KCNQ1: variants seen among roughly 807,000 people sequenced by gnomAD.
KCNQ1 encodes the protein potassium voltage-gated channel subfamily KQT member 1.
In KCNQ1, 49 loss-of-function variants were observed where a neutral mutation model predicts 72.4. That is an observed-to-expected ratio of 0.68 (90% CI 0.54 to 0.86). KCNQ1 has a LOEUF of 0.86. KCNQ1 is among the 40% of genes least tolerant of loss of function. KCNQ1 has a pLI of 0.00. For synonymous variants in KCNQ1, 450 were observed against 412.6 expected (o/e 1.09, Z -1.10); for missense variants, 790 against 945.1 (o/e 0.84, Z 2.15).
rs543612828 is a variant in KCNQ1 at position 2,652,056 on chromosome 11, G to A, written c.1394-9905G>A. On this transcript the variant is annotated intron_variant, in intron 10 of 15. Coordinates refer to ENST00000155840, the MANE Select transcript of KCNQ1 (RefSeq NM_000218.3). The surrounding 1 kb of genome is among the most constrained non-coding windows in gnomAD (Gnocchi z 5.9). ...TCTGGGGTGGCTCTGACTGTGTCCAGGCTCCAATTTGAGAAGCTATGGGGA... is the reference window on the plus strand; with the variant it reads ...TCTGGGGTGGCTCTGACTGTGTCCAAGCTCCAATTTGAGAAGCTATGGGGA... 8.3e-5 allele frequency: 33 copies of A among 398,686 alleles called. 1 individual carries two copies. The highest frequency in any genetic ancestry group is 4.1e-4 in the African/African-American group (20 of 48,748). 24.7% of individuals were successfully genotyped at this position (398,686 alleles called of 1,614,324 possible). A position where few individuals can be genotyped will look rare whatever the true frequency, so the allele number is the denominator to read the frequency against.
rs1173955972 is a variant in KCNQ1 at position 2,664,079 on chromosome 11, G to A, written c.1514+1998G>A. 2.5e-6 allele frequency: 1 copy of A among 398,742 alleles called. No homozygotes were observed. The allele number at this position is 398,742 out of a possible 1,614,324, so 24.7% of individuals were successfully genotyped here. On this transcript the variant is annotated intron_variant, in intron 11 of 15. Coordinates refer to ENST00000155840, the MANE Select transcript of KCNQ1 (RefSeq NM_000218.3). The surrounding 1 kb of genome is among the most constrained non-coding windows in gnomAD (Gnocchi z 5.1). ...TGGCCTCCAGTGATAAGTGGGCCCAGGCAGGTCAGAGACTCCAGTCATTAC... is the reference window on the plus strand; with the variant it reads ...TGGCCTCCAGTGATAAGTGGGCCCAAGCAGGTCAGAGACTCCAGTCATTAC...
intron 1 of KCNQ1, among the ~76,000 whole-genome samples, chr11:2,489,667 G>A (rs2133624515): frequency 6.6e-6 from 1 of 152,340 alleles, no homozygotes; most frequent in South Asian, 2.1e-4. Context: ...ACATTGTCTT[G>A]CATCTTGGAT....
In KCNQ1 at chr11:2,612,252, C is replaced by T; in HGVS notation, c.1393+23398C>T. 1 of 398,596 alleles carries T rather than the reference C, an allele frequency of 2.5e-6. No homozygotes were observed. The highest frequency in any genetic ancestry group is 4.4e-6 in the Non-Finnish European group (1 of 226,080). The allele number at this position is 398,596 out of a possible 1,614,324, so 24.7% of individuals were successfully genotyped here. A position where few individuals can be genotyped will look rare whatever the true frequency, so the allele number is the denominator to read the frequency against. Reference sequence around the variant, plus strand: ...GATGGCATTAGATTCTCACAGAGAGCAAATCCTATTGTGAACTGAGCATGT... The same window carrying T: ...GATGGCATTAGATTCTCACAGAGAGTAAATCCTATTGTGAACTGAGCATGT... On this transcript the variant is annotated intron_variant, in intron 10 of 15. Coordinates refer to ENST00000155840, the MANE Select transcript of KCNQ1 (RefSeq NM_000218.3). This position sits in a 1 kb window ranked among gnomAD's most constrained non-coding sequence, Gnocchi z 5.5.
At chr11:2,842,731 C>T (rs558765841) in intron 15 of KCNQ1, among the ~76,000 whole-genome samples, 37 of 152,340 alleles carry the variant, frequency 2.4e-4, no homozygotes, top group African/African-American at 8.4e-4. Flanking sequence ...CCTCAGGCCA[C>T]AGGCATACAT....
At chr11:2,742,019 C>T (rs1383339995) in intron 11 of KCNQ1, among the ~76,000 whole-genome samples, 2 of 152,250 alleles carry the variant, frequency 1.3e-5, no homozygotes, top group East Asian at 3.8e-4. Context: ...GTATATGAGT[C>T]AGCGTTGACT....
chr11:2,501,336 A>G (rs974856866), intron 1 of KCNQ1, among the ~76,000 whole-genome samples: 1 of 152,194 alleles, frequency 6.6e-6, no homozygotes, highest in African/African-American at 2.4e-5. Context: ...CAGAGACAAA[A>G]AAAGGAGACA....
chr11:2,648,029 C>T (rs1849692895), intron 10 of KCNQ1: 3 of 391,812 alleles, frequency 7.7e-6, no homozygotes, highest in Non-Finnish European at 1.3e-5. Context: ...GCCTGAGCAA[C>T]ATGGCAAACC....
At position 2,603,847 on chromosome 11, in the gene KCNQ1, A is replaced by G. The variant is rs1848841149; in HGVS notation, c.1393+14993A>G. ...GTGGGATTACGGGCACGCACCACCAAGCCCGGCTAATTTTTGTATTTTTAG... is the reference window on the plus strand; with the variant it reads ...GTGGGATTACGGGCACGCACCACCAGGCCCGGCTAATTTTTGTATTTTTAG... On this transcript the variant is annotated intron_variant, in intron 10 of 15. Transcript: ENST00000155840. The surrounding 1 kb of genome is among the most constrained non-coding windows in gnomAD (Gnocchi z 4.1). Among the ~76,000 whole-genome samples, 1 of 151,922 alleles carries G rather than the reference A, an allele frequency of 6.6e-6. No individual in the cohort carries two copies. Among genetic ancestry groups the G allele is most frequent in the African/African-American group, 2.4e-5 (1 of 41,400 alleles).
At chr11:2,801,944 G>A (rs1847275013) in intron 15 of KCNQ1, among the ~76,000 whole-genome samples, 1 of 152,244 alleles carries the variant, frequency 6.6e-6, no homozygotes, top group African/African-American at 2.4e-5. Flanking sequence ...GGAGCCCCGG[G>A]CAGGCCCAAG....
rs144460655 is a variant in KCNQ1, at chr11:2,469,367, G to A, written c.386+23883G>A. On this transcript the variant is annotated intron_variant, in intron 1 of 15. Coordinates refer to ENST00000155840, the MANE Select transcript of KCNQ1 (RefSeq NM_000218.3). The stretch of plus-strand genomic sequence containing the variant: ...TGGCTCACTGCAACCTCTGCCTCCC[G>A]GGTTCAAGTGATTCTCCTGCCTCAG... 1.7e-3 allele frequency among the ~76,000 whole-genome samples: 259 copies of A among 151,542 alleles called. 2 individuals carry two copies. Among genetic ancestry groups the A allele is most frequent in the African/African-American group, 5.8e-3 (240 of 41,318 alleles).
chr11:2,586,581 T>C (rs1589967906), intron 8 of KCNQ1, among the ~76,000 whole-genome samples: 1 of 152,078 alleles, frequency 6.6e-6, no homozygotes, highest in African/African-American at 2.4e-5. Context: ...AGGTGGCAGG[T>C]GTGCACAGGA....
intron 15 of KCNQ1, among the ~76,000 whole-genome samples, chr11:2,823,277 C>G (rs992105076): frequency 2.0e-5 from 3 of 152,104 alleles, no homozygotes; most frequent in African/African-American, 7.2e-5. Flanking sequence ...AAGAGAGATG[C>G]CTTCAAAATT....
rs1554884351 is a variant in KCNQ1, at chr11:2,481,350, C to CGG, written c.386+35867_386+35868insGG. On this transcript the variant is annotated intron_variant, in intron 1 of 15. Coordinates refer to ENST00000155840, the MANE Select transcript of KCNQ1 (RefSeq NM_000218.3). This position sits in a 1 kb window ranked among gnomAD's most constrained non-coding sequence, Gnocchi z 4.6. ...AGTTTCCTGCTAGTCTTTTTCTCGGCGTGTGTGTGTGCGCGCGTGCATGCA... is the reference window on the plus strand; with the variant it reads ...AGTTTCCTGCTAGTCTTTTTCTCGGCGGGTGTGTGTGTGCGCGCGTGCATGCA... 3.3e-5 allele frequency among the ~76,000 whole-genome samples: 5 copies of CGG among 152,092 alleles called. No individual in the cohort carries two copies. The highest frequency in any genetic ancestry group is 9.7e-5 in the African/African-American group (4 of 41,388).
At position 2,537,496 on chromosome 11, in the gene KCNQ1, A is replaced by G. The variant is rs1456080564; in HGVS notation, c.477+9478A>G. The stretch of plus-strand genomic sequence containing the variant: ...CCAGCCCACCGTGCCCCACGTTTCT[A>G]CAGTGCCCAGGTTGGCGCAGGGCCT... On this transcript the variant is annotated intron_variant, in intron 2 of 15. Coordinates refer to ENST00000155840, the MANE Select transcript of KCNQ1 (RefSeq NM_000218.3). This position sits in a 1 kb window ranked among gnomAD's most constrained non-coding sequence, Gnocchi z 5.2. Among the ~76,000 whole-genome samples, 1 of 152,012 alleles carries G rather than the reference A, an allele frequency of 6.6e-6. No homozygotes were observed. The highest frequency in any genetic ancestry group is 1.5e-5 in the Non-Finnish European group (1 of 68,030).
At chr11:2,648,082 G>T (rs1849694664) in intron 10 of KCNQ1, 5 of 397,044 alleles carry the variant, frequency 1.3e-5, no homozygotes, top group Admixed American at 4.4e-5. Flanking sequence ...GCGAGGTGTG[G>T]TGCTGCACAT....
chr11:2,583,642 C>G (rs1183084535), intron 7 of KCNQ1, 97 bp downstream of exon 7: 3 of 851,184 alleles, frequency 3.5e-6, no homozygotes, highest in Non-Finnish European at 6.1e-6. Context: ...CACTTACGTT[C>G]AGAACCAAGA....
chr11:2,620,611 T>G lies in KCNQ1; in HGVS notation c.1393+31757T>G, dbSNP rs1245325287. The G allele has an allele frequency of 2.5e-6, 1 of 397,648 alleles. No individual in the cohort carries two copies. Among genetic ancestry groups the G allele is most frequent in the Admixed American group, 4.4e-5 (1 of 22,706 alleles). 24.6% of individuals were successfully genotyped at this position (397,648 alleles called of 1,614,324 possible). A position where few individuals can be genotyped will look rare whatever the true frequency, so the allele number is the denominator to read the frequency against. On this transcript the variant is annotated intron_variant, in intron 10 of 15. Transcript: ENST00000155840. This position sits in a 1 kb window ranked among gnomAD's most constrained non-coding sequence, Gnocchi z 4.5. ...ACCACTGATGGGCATCTAAGTGGAT[T>G]CCATGTCTTTGCTGTTGTGAATAGT...
At position 2,703,710 on chromosome 11, in the gene KCNQ1, G is replaced by A. The variant is rs192889211; in HGVS notation, c.1514+41629G>A. On this transcript the variant is annotated intron_variant, in intron 11 of 15. Transcript: ENST00000155840. The surrounding 1 kb of genome is among the most constrained non-coding windows in gnomAD (Gnocchi z 6.4). ...CAGTCCTCTTCTGCAGTGCAAGGCA[G>A]GAGAAAGAACTGCTGTGGGAGCCCC... Among the ~76,000 whole-genome samples the A allele has an allele frequency of 3.4e-3, 519 of 152,356 alleles. 3 individuals carry two copies. The highest frequency in any genetic ancestry group is 0.012 in the African/African-American group (502 of 41,582).
chr11:2,617,322 A>G lies in KCNQ1; in HGVS notation c.1393+28468A>G. On this transcript the variant is annotated intron_variant, in intron 10 of 15. Transcript: ENST00000155840. This position sits in a 1 kb window ranked among gnomAD's most constrained non-coding sequence, Gnocchi z 4.6. ...TAAGATTCTACATATAGGTGAGATT[A>G]TTTAAAACTTTTCATTTGTATATGG... The G allele has an allele frequency of 2.5e-6, 1 of 398,358 alleles. No individual in the cohort carries two copies. The highest frequency in any genetic ancestry group is 4.4e-6 in the Non-Finnish European group (1 of 225,904). The allele number at this position is 398,358 out of a possible 1,614,324, so 24.7% of individuals were successfully genotyped here.
Sources: gnomAD v4.1 joint callset for allele counts (sites outside exome capture counted in the v4.1 genomes callset) on GRCh38, gnomAD v4.1.1 for gene constraint, Gnocchi (gnomAD v3.1) non-coding constraint, MANE v1.5 for transcripts, NCBI Gene and HGNC (gene_info 2026-07-23, HGNC 2026-07-21) for gene names.